HOMER2: variants seen among roughly 807,000 people sequenced by gnomAD.
HOMER2 encodes homer protein homolog 2.
A neutral mutation model predicts 47.0 loss-of-function variants in HOMER2; 27 were observed. The ratio of observed to expected loss-of-function variants is 0.57; its 90% CI spans 0.42 to 0.79. HOMER2 has a LOEUF of 0.79. HOMER2 is among the 30% of genes least tolerant of loss of function. HOMER2 has a pLI of 0.00. For synonymous variants in HOMER2, 161 were observed against 163.8 expected, an observed-to-expected ratio of 0.98 and a Z score of 0.13; for missense variants, 443 against 435.0, an observed-to-expected ratio of 1.02 and a Z score of -0.16.
rs547685872 is a variant in HOMER2 at position 82,851,257 on chromosome 15, A to G, written c.763-26T>C. 3.5e-6 allele frequency: 5 copies of G among 1,428,712 alleles called. No individual in the cohort carries two copies. The Admixed American group carries it at 9.8e-5, about 28-fold the overall frequency. The allele number at this position is 1,428,712 out of a possible 1,614,324, so 88.5% of individuals were successfully genotyped here. On this transcript the variant is annotated intron_variant, in intron 7 of 8. Coordinates refer to ENST00000450735, the MANE Select transcript of HOMER2 (RefSeq NM_004839.4). ...CTACATGAAAAAAATTTGAGATAGA[A>G]CATGAAAGCAAGTCAGATAAAATAT...
intron 2 of HOMER2, 31 bp downstream of exon 2, chr15:82,892,654 G>T: frequency 1.4e-6 from 2 of 1,455,052 alleles, no homozygotes; most frequent in South Asian, 1.6e-5. Context: ...TAAGCAACTG[G>T]GAGTATTAAA....
chr15:82,968,761 T>C (rs1424436731), intron 1 of HOMER2, among the ~76,000 whole-genome samples: 1 of 152,228 alleles, frequency 6.6e-6, no homozygotes, highest in East Asian at 1.9e-4. Context: ...ATATGGTCCT[T>C]TTCCTAGGCA....
At chr15:82,836,654 G>A (rs527480590), downstream of HOMER2, among the ~76,000 whole-genome samples, 5 of 152,330 alleles carry the variant, frequency 3.3e-5, no homozygotes, top group Admixed American at 1.3e-4. Flanking sequence ...TCTGCTCCTA[G>A]TACAGCCAAT....
chr15:82,858,749 A>G (rs2151620469), intron 5 of HOMER2, among the ~76,000 whole-genome samples: 1 of 152,172 alleles, frequency 6.6e-6, no homozygotes, highest in African/African-American at 2.4e-5. Flanking sequence ...ACACTCATGC[A>G]CATTTGCCCT....
intron 1 of HOMER2, among the ~76,000 whole-genome samples, chr15:82,915,550 AC>A (rs1213255471): frequency 3.9e-5 from 6 of 152,146 alleles, no homozygotes; most frequent in East Asian, 1.9e-4. Context: ...AAACAAACAA[AC>A]AAACAAACAA....
In HOMER2 at chr15:82,892,669, G is replaced by A; in HGVS notation, c.162+16C>T. 1.3e-6 allele frequency: 2 copies of A among 1,500,362 alleles called. No individual in the cohort carries two copies. The highest frequency in any genetic ancestry group is 2.7e-5 in the South Asian group (2 of 73,284). The allele number at this position is 1,500,362 out of a possible 1,614,324, so 92.9% of individuals were successfully genotyped here. ...TAAGCAACTGGGAGTATTAAAATCA[G>A]CTGAGGGGGTGGTACCTTGGCTCCG... On this transcript the variant is annotated intron_variant, in intron 2 of 8. Transcript: ENST00000450735.
At chr15:82,948,435 T>C (rs1317503876) in intron 1 of HOMER2, among the ~76,000 whole-genome samples, 1 of 149,366 alleles carries the variant, frequency 6.7e-6, no homozygotes, top group Non-Finnish European at 1.5e-5. Flanking sequence ...TGATGGCACA[T>C]GCCTATAATA....
intron 1 of HOMER2, among the ~76,000 whole-genome samples, chr15:82,935,081 C>A (rs987858613): frequency 6.6e-6 from 1 of 152,180 alleles, no homozygotes; most frequent in Non-Finnish European, 1.5e-5. Context: ...TCCTCTGCCC[C>A]CCGCCTTCAA....
At chr15:82,881,176 A>T (rs2052509779) in intron 2 of HOMER2, among the ~76,000 whole-genome samples, 1 of 152,238 alleles carries the variant, frequency 6.6e-6, no homozygotes, top group African/African-American at 2.4e-5. Context: ...AAGCCACCCT[A>T]GTAAAAGACC....
intron 1 of HOMER2, among the ~76,000 whole-genome samples, chr15:82,937,755 G>C (rs2054172915): frequency 6.6e-6 from 1 of 152,188 alleles, no homozygotes; most frequent in African/African-American, 2.4e-5. Context: ...CACATGGTGT[G>C]CCCAGGGCTG....
upstream of HOMER2, chr15:82,986,095 G>A (rs929344611): frequency 1.0e-6 from 1 of 985,550 alleles, no homozygotes; most frequent in Non-Finnish European, 1.2e-6. Flanking sequence ...CGAGCTCTGG[G>A]CGTTGTGCCA....
intron 1 of HOMER2, among the ~76,000 whole-genome samples, chr15:82,982,379 G>A (rs962425124): frequency 6.6e-6 from 1 of 152,006 alleles, no homozygotes; most frequent in Non-Finnish European, 1.5e-5. Context: ...CATAATAATC[G>A]ATAACATATC....
At chr15:82,901,999 A>T (rs943024006) in intron 1 of HOMER2, among the ~76,000 whole-genome samples, 1 of 152,218 alleles carries the variant, frequency 6.6e-6, no homozygotes, top group South Asian at 2.1e-4. Context: ...TATCCACAGT[A>T]TGCTGTCTAT....
chr15:82,953,984 G>A (rs2054558595), upstream of HOMER2, among the ~76,000 whole-genome samples: 1 of 152,106 alleles, frequency 6.6e-6, no homozygotes, highest in Admixed American at 6.5e-5. Flanking sequence ...GCTTGATGCA[G>A]GAGAATCGCT....
downstream of HOMER2, chr15:82,836,005 A>G (rs1228649224): frequency 1.3e-5 from 2 of 152,284 alleles, no homozygotes; most frequent in African/African-American, 2.4e-5. Flanking sequence ...TCAGGCTAAA[A>G]TAATTCTCAG....
intron 5 of HOMER2, among the ~76,000 whole-genome samples, chr15:82,855,343 A>AAAAG (rs2051546959): frequency 6.6e-6 from 1 of 150,730 alleles, no homozygotes; most frequent in East Asian, 1.9e-4. Context: ...AAAAAAAAAA[A>AAAAG]AAAAAAGAAA....
In HOMER2 at chr15:82,891,156, G is replaced by A. The variant is rs11855723; in HGVS notation, c.162+1529C>T. On this transcript the variant is annotated intron_variant, in intron 2 of 8. Transcript: ENST00000450735. ...ATAACACACTACCCGCCTGATAGGTGTCAGGAAACTCTCCTCTACCAGCCA... is the reference window on the plus strand; with the variant it reads ...ATAACACACTACCCGCCTGATAGGTATCAGGAAACTCTCCTCTACCAGCCA... Among the ~76,000 whole-genome samples the A allele has an allele frequency of 4.1e-3, 629 of 152,244 alleles. 4 individuals are homozygous for A. Among genetic ancestry groups the A allele is most frequent in the African/African-American group, 0.014 (587 of 41,540 alleles).
chr15:82,841,913 C>T (rs1305434165), exon 2 of HOMER2: 2 of 152,168 alleles, frequency 1.3e-5, no homozygotes, highest in African/African-American at 4.8e-5. Flanking sequence ...CTCATATGGT[C>T]AAAGTGCTAA....
Position 82,894,004 on chromosome 15 carries a change from C to T in HOMER2, c.6-1163G>A, listed in dbSNP as rs116903074. On this transcript the variant is annotated intron_variant, in intron 1 of 8. Transcript: ENST00000450735. ...TCTTCAGTCTACTTCTGGAACCATT[C>T]AACAACCTGACCAAACCTTCAAATT... is the stretch of plus-strand genomic sequence containing the variant. 6.8e-3 allele frequency among the ~76,000 whole-genome samples: 1,035 copies of T among 152,314 alleles called. 11 individuals carry two copies. Among genetic ancestry groups the T allele is most frequent in the Non-Finnish European group, 0.01 (706 of 68,030 alleles).
Sources: allele counts gnomAD v4.1 joint callset (sites outside exome capture counted in the v4.1 genomes callset), GRCh38; gene constraint gnomAD v4.1.1; transcripts MANE v1.5; gene names NCBI Gene and HGNC (gene_info 2026-07-23, HGNC 2026-07-21).